MACROD2: variants seen among roughly 807,000 people sequenced by gnomAD.
MACROD2 encodes ADP-ribose glycohydrolase MACROD2.
A neutral mutation model predicts 70.4 loss-of-function variants in MACROD2; 36 were observed. The ratio of observed to expected loss-of-function variants is 0.51; its 90% confidence interval spans 0.39 to 0.68. MACROD2 has a LOEUF of 0.68. Among genes scored for constraint, MACROD2 ranks in the 30% least tolerant of loss-of-function variants. MACROD2 has a pLI of 0.00. For missense variants in MACROD2, 496 were observed against 538.4 expected, an observed-to-expected ratio of 0.92 and a Z score of 0.78; for synonymous variants, 172 against 178.8, an observed-to-expected ratio of 0.96 and a Z score of 0.30.
chr20:14,534,477 AT>A (rs1390320765), intron 4 of MACROD2, among the ~76,000 whole-genome samples: 2 of 152,170 alleles, frequency 1.3e-5, no homozygotes, highest in African/African-American at 4.8e-5. Context: ...TAGAAAAGAA[AT>A]TTTTTTCTAC....
At chr20:15,768,035 C>CA (rs57723369) in intron 8 of MACROD2, among the ~76,000 whole-genome samples, 26,917 of 143,070 alleles carry the variant, frequency 0.19, 2,413 homozygotes, top group Middle Eastern at 0.31. Flanking sequence ...GCATCAGTTG[C>CA]AAAAAAAAAA....
intron 3 of MACROD2, among the ~76,000 whole-genome samples, chr20:14,207,271 T>C (rs2081531993): frequency 6.6e-6 from 1 of 152,002 alleles, no homozygotes; most frequent in Non-Finnish European, 1.5e-5. Flanking sequence ...CTAATTTTTG[T>C]GGTTTTTTTT....
chr20:15,014,455 T>C (rs1215215855), intron 5 of MACROD2, among the ~76,000 whole-genome samples: 1 of 152,198 alleles, frequency 6.6e-6, no homozygotes, highest in Non-Finnish European at 1.5e-5. Context: ...AAATCTATTA[T>C]ATGAAATGAT....
At chr20:15,630,356 G>T (rs76440659) in intron 8 of MACROD2, among the ~76,000 whole-genome samples, 6 of 152,314 alleles carry the variant, frequency 3.9e-5, no homozygotes, top group South Asian at 2.1e-4. Context: ...CTGCAAAAAT[G>T]TTGTGCATCT....
At chr20:14,540,477 A>C (rs755000042) in intron 4 of MACROD2, among the ~76,000 whole-genome samples, 1 of 152,096 alleles carries the variant, frequency 6.6e-6, no homozygotes, top group African/African-American at 2.4e-5. Flanking sequence ...GTGCTCAGAA[A>C]CTGGCAGTTT....
chr20:14,991,757 A>C (rs1273017556), intron 5 of MACROD2, among the ~76,000 whole-genome samples: 7 of 152,222 alleles, frequency 4.6e-5, no homozygotes, highest in Non-Finnish European at 1.0e-4. Context: ...TTTAGTTGAC[A>C]ATCTCTAGAC....
chr20:15,504,458 T>G (rs2047401276), intron 8 of MACROD2, among the ~76,000 whole-genome samples: 1 of 151,904 alleles, frequency 6.6e-6, no homozygotes, highest in South Asian at 2.1e-4. Flanking sequence ...GACTCTTGAG[T>G]TGAAAATCTT....
At chr20:15,574,972 G>A (rs555315779) in intron 8 of MACROD2, among the ~76,000 whole-genome samples, 31 of 152,038 alleles carry the variant, frequency 2.0e-4, no homozygotes, top group Middle Eastern at 6.8e-3. Flanking sequence ...ATTTGCTTTC[G>A]ACTTTCTTTC....
chr20:15,612,383 C>T (rs2048982002), intron 8 of MACROD2, among the ~76,000 whole-genome samples: 1 of 152,194 alleles, frequency 6.6e-6, no homozygotes, highest in African/African-American at 2.4e-5. Flanking sequence ...GTTCCACATC[C>T]TCACTTTTAG....
At chr20:15,120,167 A>G (rs2076019779) in intron 5 of MACROD2, among the ~76,000 whole-genome samples, 1 of 152,222 alleles carries the variant, frequency 6.6e-6, no homozygotes, top group African/African-American at 2.4e-5. Context: ...TAAAGATATT[A>G]GCATGATTCG....
At chr20:15,138,061 T>C (rs1468789596) in intron 5 of MACROD2, among the ~76,000 whole-genome samples, 1 of 152,142 alleles carries the variant, frequency 6.6e-6, no homozygotes, top group Non-Finnish European at 1.5e-5. Context: ...GTTAGTAAAA[T>C]AATTGAGTAA....
intron 5 of MACROD2, among the ~76,000 whole-genome samples, chr20:14,996,942 CAAAA>C (rs2074955152): frequency 6.6e-6 from 1 of 152,114 alleles, no homozygotes; most frequent in Admixed American, 6.5e-5. Context: ...ATTTGCCTTT[CAAAA>C]AAATTTGAAA....
intron 3 of MACROD2, among the ~76,000 whole-genome samples, chr20:14,221,689 G>C (rs2081675759): frequency 6.6e-6 from 1 of 152,122 alleles, no homozygotes; most frequent in African/African-American, 2.4e-5. Context: ...TCACCATAAT[G>C]AACAGACAAC....
chr20:14,328,736 A>T (rs921510064), intron 3 of MACROD2, among the ~76,000 whole-genome samples: 3 of 152,056 alleles, frequency 2.0e-5, no homozygotes, highest in African/African-American at 7.2e-5. Flanking sequence ...ACACCTCCAG[A>T]TCAGGCTTGC....
At chr20:15,910,393 CAT>C (rs1491103712) in intron 10 of MACROD2, among the ~76,000 whole-genome samples, 1,220 of 105,780 alleles carry the variant, frequency 0.012, 12 homozygotes, top group African/African-American at 0.036. Context: ...AGTCAGAGGA[CAT>C]GTGTGTGTGT....
chr20:14,307,250 T>C (rs77086738), intron 3 of MACROD2, among the ~76,000 whole-genome samples: 2,291 of 152,120 alleles, frequency 0.015, 24 homozygotes, highest in African/African-American at 0.027. Context: ...AAAGGGACCT[T>C]TGTATGTGTG....
intron 7 of MACROD2, among the ~76,000 whole-genome samples, chr20:15,495,612 T>C (rs1416170514): frequency 1.3e-5 from 2 of 152,200 alleles, no homozygotes; most frequent in African/African-American, 4.8e-5. Context: ...CACAAGTCTG[T>C]AATCCAGTCA....
At chr20:15,045,184 A>G (rs1450064966) in intron 5 of MACROD2, among the ~76,000 whole-genome samples, 5 of 152,214 alleles carry the variant, frequency 3.3e-5, no homozygotes, top group African/African-American at 4.8e-5. Flanking sequence ...AAGAATTGTC[A>G]GTAACAAGTT....
intron 2 of MACROD2, among the ~76,000 whole-genome samples, chr20:14,022,336 T>G (rs140173414): frequency 6.6e-6 from 1 of 152,322 alleles, no homozygotes; most frequent in African/African-American, 2.4e-5. Flanking sequence ...TATTTTACAT[T>G]TACTCAGTTT....
Sources: gnomAD v4.1 joint callset for allele counts (sites outside exome capture counted in the v4.1 genomes callset) on GRCh38, gnomAD v4.1.1 for gene constraint, MANE v1.5 for transcripts, NCBI Gene and HGNC (gene_info 2026-07-23, HGNC 2026-07-21) for gene names.